Variants in RIT2 observed in about 807,000 individuals in gnomAD.
RIT2 encodes GTP-binding protein Rit2.
RIT2 carries 24 observed loss-of-function variants against 23.7 expected under a neutral mutation model. The observed-to-expected ratio is 1.01, with a 90% CI of 0.73 to 1.43. RIT2 has a LOEUF of 1.43. RIT2 is among the 40% of genes most tolerant of loss of function. RIT2 has a pLI of 0.00. For missense variants in RIT2, 236 were observed against 266.9 expected (o/e 0.88, Z 0.81); for synonymous variants, 107 against 91.1 (o/e 1.17, Z -0.99).
rs1351660687 is a variant in RIT2, at chr18:43,046,797, G to A, written c.104-12930C>T. On this transcript the variant is annotated intron_variant, in intron 1 of 4. Coordinates refer to ENST00000326695, the MANE Select transcript of RIT2 (RefSeq NM_002930.4). ...AACATACTTTAGTATATTGAACACA[G>A]AAACAGATAGACAAATGCAATTGTC... Among the ~76,000 whole-genome samples the A allele has an allele frequency of 2.6e-5, 4 of 152,098 alleles. No individual in the cohort carries two copies. The East Asian group carries it at 7.7e-4, about 29-fold the overall frequency.
intron 1 of RIT2, among the ~76,000 whole-genome samples, chr18:43,059,498 G>T (rs4281804): frequency 0.25 from 37,918 of 151,994 alleles, 4,828 homozygotes; most frequent in South Asian, 0.31. Flanking sequence ...GACTAGTATA[G>T]CATAATTAGG....
chr18:42,849,109 A>G (rs1407609948), intron 4 of RIT2, among the ~76,000 whole-genome samples: 2 of 152,204 alleles, frequency 1.3e-5, no homozygotes, highest in Non-Finnish European at 2.9e-5. Context: ...ACCTGTCTAT[A>G]GTCACATAGC....
chr18:43,015,600 AACCTTCATGCT>A (rs1241371572), intron 2 of RIT2, among the ~76,000 whole-genome samples: 3 of 151,896 alleles, frequency 2.0e-5, no homozygotes, highest in African/African-American at 7.2e-5. Context: ...CTGGAGAAAG[AACCTTCATGCT>A]TACTTGACTG....
intron 1 of RIT2, among the ~76,000 whole-genome samples, chr18:43,110,081 G>A (rs1233058549): frequency 6.6e-6 from 1 of 151,928 alleles, no homozygotes; most frequent in African/African-American, 2.4e-5. Flanking sequence ...GATCAAATAA[G>A]ATCATAATCA....
chr18:42,950,912 A>T (rs146056216), intron 3 of RIT2, among the ~76,000 whole-genome samples: 38 of 151,948 alleles, frequency 2.5e-4, no homozygotes, highest in East Asian at 2.3e-3. Flanking sequence ...AAAAAAAAAA[A>T]AATAACAGAT....
intron 4 of RIT2, among the ~76,000 whole-genome samples, chr18:42,915,643 C>G (rs1908888686): frequency 6.6e-6 from 1 of 151,982 alleles, no homozygotes; most frequent in Admixed American, 6.6e-5. Flanking sequence ...TGAGGAAACA[C>G]AAGCTCTGTT....
At chr18:43,008,338 G>A (rs2144250887) in intron 2 of RIT2, among the ~76,000 whole-genome samples, 1 of 151,424 alleles carries the variant, frequency 6.6e-6, no homozygotes, top group Non-Finnish European at 1.5e-5. Context: ...AGAGAGTGGG[G>A]AAAATAATGG....
At chr18:42,777,211 G>A (rs2143925525) in intron 4 of RIT2, among the ~76,000 whole-genome samples, 1 of 149,220 alleles carries the variant, frequency 6.7e-6, no homozygotes, top group African/African-American at 2.5e-5. Flanking sequence ...CTTTCAGTTT[G>A]AAATAAAATA....
At chr18:42,932,080 T>C (rs1909339415) in intron 3 of RIT2, among the ~76,000 whole-genome samples, 1 of 152,134 alleles carries the variant, frequency 6.6e-6, no homozygotes, top group Admixed American at 6.6e-5. Flanking sequence ...AAAAGAAGAA[T>C]TTGTCTCCAG....
chr18:42,951,316 T>C (rs967754689), intron 3 of RIT2, among the ~76,000 whole-genome samples: 8 of 152,050 alleles, frequency 5.3e-5, no homozygotes, highest in African/African-American at 1.9e-4. Flanking sequence ...CCTAAGCAAA[T>C]TAACACAGGA....
chr18:43,062,366 G>A (rs555868362), intron 1 of RIT2, among the ~76,000 whole-genome samples: 147 of 152,164 alleles, frequency 9.7e-4, no homozygotes, highest in African/African-American at 3.1e-3. Context: ...ACAAATAAAA[G>A]CATCACAGTT....
chr18:42,859,265 G>A (rs1907264831), intron 4 of RIT2, among the ~76,000 whole-genome samples: 1 of 152,132 alleles, frequency 6.6e-6, no homozygotes, highest in Non-Finnish European at 1.5e-5. Flanking sequence ...GTGAACTGAT[G>A]TCTCGTGGTT....
At chr18:42,879,649 T>C (rs1021754190) in intron 4 of RIT2, among the ~76,000 whole-genome samples, 4 of 152,188 alleles carry the variant, frequency 2.6e-5, no homozygotes, top group African/African-American at 9.6e-5. Context: ...TTTCCTCCTC[T>C]ACCTCCTCCA....
chr18:42,859,433 T>C (rs2144047392), intron 4 of RIT2, among the ~76,000 whole-genome samples: 1 of 151,960 alleles, frequency 6.6e-6, no homozygotes, highest in South Asian at 2.1e-4. Context: ...GTAAGTGTTC[T>C]TTGTGTAGCC....
At chr18:43,053,364 T>A (rs1912428335) in intron 1 of RIT2, among the ~76,000 whole-genome samples, 1 of 152,018 alleles carries the variant, frequency 6.6e-6, no homozygotes. Flanking sequence ...TCCCAGGCAG[T>A]CAGCCCACAC....
At chr18:42,877,128 T>C (rs1476557282) in intron 4 of RIT2, among the ~76,000 whole-genome samples, 3 of 151,866 alleles carry the variant, frequency 2.0e-5, no homozygotes, top group African/African-American at 7.2e-5. Flanking sequence ...GACACTGACA[T>C]TTTTGAAACT....
At chr18:43,048,346 G>A (rs9965154) in intron 1 of RIT2, among the ~76,000 whole-genome samples, 14,211 of 152,032 alleles carry the variant, frequency 0.093, 757 homozygotes, top group Non-Finnish European at 0.11. Context: ...CAAATATTTT[G>A]AAACCAATAA....
At chr18:43,045,724 T>C (rs954223769) in intron 1 of RIT2, among the ~76,000 whole-genome samples, 10 of 152,136 alleles carry the variant, frequency 6.6e-5, no homozygotes, top group African/African-American at 2.4e-4. Flanking sequence ...ACCTCTAATA[T>C]CTTTTTACCT....
At chr18:42,766,633 G>T (rs1181153798) in intron 4 of RIT2, among the ~76,000 whole-genome samples, 1 of 152,224 alleles carries the variant, frequency 6.6e-6, no homozygotes, top group Non-Finnish European at 1.5e-5. Flanking sequence ...GTAGAAATTT[G>T]CATAAGTAGG....
Sources: gnomAD v4.1 joint callset for allele counts (sites outside exome capture counted in the v4.1 genomes callset) on GRCh38, gnomAD v4.1.1 for gene constraint, MANE v1.5 for transcripts, NCBI Gene and HGNC (gene_info 2026-07-23, HGNC 2026-07-21) for gene names.